The following NR1H4 variants were observed in gnomAD, a reference collection of about 807,000 sequenced individuals.
NR1H4 encodes nuclear receptor subfamily 1 group H member 4, also known as bile acid receptor.
Under a neutral mutation model 58.5 loss-of-function variants are expected in NR1H4, and 23 were observed. That is an observed-to-expected ratio of 0.39 (90% CI 0.28 to 0.56). The LOEUF (loss-of-function observed/expected upper bound fraction) is 0.56. NR1H4 is among the 20% of genes least tolerant of loss of function. The pLI, the probability that NR1H4 is intolerant of heterozygous loss-of-function variation, is 0.58. For missense variants in NR1H4, 487 were observed against 576.9 expected, an observed-to-expected ratio of 0.84 and a Z score of 1.60; for synonymous variants, 214 against 198.0, an observed-to-expected ratio of 1.08 and a Z score of -0.68.
At chr12:100,521,354 G>T (rs1954413692) in intron 4 of NR1H4, among the ~76,000 whole-genome samples, 1 of 152,152 alleles carries the variant, frequency 6.6e-6, no homozygotes, top group Non-Finnish European at 1.5e-5. Context: ...ACTTTCTCAG[G>T]ACTAGATTAA....
intron 8 of NR1H4, among the ~76,000 whole-genome samples, chr12:100,539,874 T>C (rs1954897326): frequency 6.6e-6 from 1 of 152,102 alleles, no homozygotes; most frequent in African/African-American, 2.4e-5. Context: ...GATTGGGGAA[T>C]GCTGGAGCAG....
At position 100,500,312 on chromosome 12, in the gene NR1H4, C is replaced by T. The variant is rs368073612; in HGVS notation, c.79+6910C>T. The stretch of plus-strand genomic sequence containing the variant: ...TTGCCAACATTTACTCTAGGACCTC[C>T]CTTTTTTCATGCCTTCATAGCTGAT... On this transcript the variant is annotated intron_variant, in intron 3 of 10. Transcript: ENST00000392986. 7.9e-5 allele frequency among the ~76,000 whole-genome samples: 12 copies of T among 152,284 alleles called. No homozygotes were observed. The East Asian group carries it at 1.2e-3, about 15-fold the overall frequency.
chr12:100,534,559 A>G (rs918887022), intron 5 of NR1H4, among the ~76,000 whole-genome samples: 7 of 152,214 alleles, frequency 4.6e-5, no homozygotes. Context: ...ATGCTTTCAT[A>G]TCACAAGTTC....
chr12:100,530,026 C>T (rs1489094516), intron 4 of NR1H4, among the ~76,000 whole-genome samples: 1 of 152,204 alleles, frequency 6.6e-6, no homozygotes, highest in Non-Finnish European at 1.5e-5. Context: ...TCTCATCACT[C>T]ATATTTTATA....
chr12:100,550,659 C>G (rs1439832464), intron 9 of NR1H4, among the ~76,000 whole-genome samples: 1 of 151,116 alleles, frequency 6.6e-6, no homozygotes, highest in African/African-American at 2.4e-5. Flanking sequence ...AGCCACCGCG[C>G]CTGGCCCAAG....
intron 3 of NR1H4, among the ~76,000 whole-genome samples, chr12:100,503,206 C>T (rs1953875261): frequency 2.0e-5 from 3 of 152,074 alleles, no homozygotes; most frequent in Admixed American, 2.0e-4. Context: ...AAAGTACTCC[C>T]CCAAAATGTT....
chr12:100,553,250 G>A (rs1235935455), intron 9 of NR1H4, among the ~76,000 whole-genome samples: 1 of 152,018 alleles, frequency 6.6e-6, no homozygotes, highest in African/African-American at 2.4e-5. Context: ...CGCCCGCCTT[G>A]GCCTCCCAAA....
At chr12:100,517,840 C>A (rs529923170) in intron 4 of NR1H4, among the ~76,000 whole-genome samples, 59 of 152,208 alleles carry the variant, frequency 3.9e-4, no homozygotes, top group African/African-American at 1.3e-3. Flanking sequence ...ATCTATTTAC[C>A]CAAGTTTTCA....
At chr12:100,556,835 A>G (rs1955339892) in intron 9 of NR1H4, among the ~76,000 whole-genome samples, 1 of 152,220 alleles carries the variant, frequency 6.6e-6, no homozygotes, top group African/African-American at 2.4e-5. Context: ...TGTTGTACAG[A>G]ATCAAATTCG....
intron 1 of NR1H4, 133 bp downstream of exon 1, chr12:100,474,192 T>C (rs1046609866): frequency 6.6e-6 from 1 of 152,224 alleles, no homozygotes; most frequent in Non-Finnish European, 1.5e-5. Context: ...GAGTTTGATG[T>C]AAAGTCCTGA....
chr12:100,500,263 A>C (rs941585933), intron 3 of NR1H4, among the ~76,000 whole-genome samples: 1 of 152,160 alleles, frequency 6.6e-6, no homozygotes, highest in Admixed American at 6.5e-5. Context: ...TCTGTTCTGA[A>C]GGATAGTTCT....
intron 4 of NR1H4, among the ~76,000 whole-genome samples, chr12:100,515,208 T>C (rs988390956): frequency 6.7e-6 from 1 of 149,884 alleles, no homozygotes; most frequent in Non-Finnish European, 1.5e-5. Flanking sequence ...TCTTGCTCTG[T>C]TGCCCAGGCT....
chr12:100,560,977 G>C (rs566577670), intron 9 of NR1H4, among the ~76,000 whole-genome samples: 72 of 152,232 alleles, frequency 4.7e-4, no homozygotes, highest in Admixed American at 1.0e-3. Context: ...TTGGAGAAAC[G>C]TGGGGGAGCT....
intron 1 of NR1H4, among the ~76,000 whole-genome samples, chr12:100,492,091 A>C (rs761837975): frequency 2.5e-4 from 38 of 152,194 alleles, no homozygotes; most frequent in Non-Finnish European, 4.0e-4. Flanking sequence ...TTTTATCTTC[A>C]AATATCTAGC....
chr12:100,479,259 T>C (rs1953330998), intron 1 of NR1H4, among the ~76,000 whole-genome samples: 1 of 152,224 alleles, frequency 6.6e-6, no homozygotes, highest in South Asian at 2.1e-4. Context: ...TTACTTCTTA[T>C]TTAATAAAGT....
intron 9 of NR1H4, among the ~76,000 whole-genome samples, chr12:100,552,153 C>G (rs1214417609): frequency 2.6e-5 from 4 of 152,098 alleles, no homozygotes; most frequent in African/African-American, 9.7e-5. Flanking sequence ...TGACACATAG[C>G]AGGAATACAA....
chr12:100,521,043 A>G (rs1027631335), intron 4 of NR1H4, among the ~76,000 whole-genome samples: 1 of 152,088 alleles, frequency 6.6e-6, no homozygotes, highest in African/African-American at 2.4e-5. Flanking sequence ...ATTAGAATTT[A>G]CCAGCTCTCT....
chr12:100,554,429 T>G (rs1193319489), intron 9 of NR1H4, among the ~76,000 whole-genome samples: 1 of 136,222 alleles, frequency 7.3e-6, no homozygotes, highest in East Asian at 3.1e-4. Context: ...ACACACCTGC[T>G]TCATTTTTGT....
chr12:100,489,674 T>C (rs777982952), intron 1 of NR1H4, among the ~76,000 whole-genome samples: 2 of 152,214 alleles, frequency 1.3e-5, no homozygotes, highest in Non-Finnish European at 2.9e-5. Flanking sequence ...GGCCCTTTTA[T>C]ACTGAAGAGT....
Sources: gnomAD v4.1 joint callset for allele counts (sites outside exome capture counted in the v4.1 genomes callset) on GRCh38, gnomAD v4.1.1 for gene constraint, MANE v1.5 for transcripts, NCBI Gene and HGNC (gene_info 2026-07-23, HGNC 2026-07-21) for gene names.